The following ITGA10 variants were observed in gnomAD, a reference collection of about 807,000 sequenced individuals.
The protein encoded by ITGA10 is integrin subunit alpha 10, also known as integrin alpha-10.
ITGA10 carries 105 observed loss-of-function variants against 145.2 expected under a neutral mutation model. The ratio of observed to expected loss-of-function variants is 0.72; its 90% CI spans 0.62 to 0.85. The LOEUF (loss-of-function observed/expected upper bound fraction) is 0.85, where lower values mean the gene tolerates loss of function less well. Ranked by LOEUF, ITGA10 falls within the 40% of genes least tolerant of loss-of-function variation. ITGA10 has a pLI of 0.00. For missense variants in ITGA10, 1,317 were observed against 1,444.5 expected (o/e 0.91, Z 1.43); for synonymous variants, 506 against 557.8 (o/e 0.91, Z 1.31).
In ITGA10 at chr1:145,909,762, C is replaced by CAGGG. The variant is rs587620697; in HGVS notation, c.52+200_52+201insCCCT. Among the ~76,000 whole-genome samples, 10 of 149,160 alleles carry CAGGG rather than the reference C, an allele frequency of 6.7e-5. No homozygotes were observed. In the South Asian group the frequency reaches 2.1e-3, roughly 31 times the overall value. ...TACACAAGGTCCTAGGCAGCTTTAG[C>CAGGG]CCCTGCCAGTCTCAATATTCAAACA... On this transcript the variant is annotated intron_variant, in intron 1 of 29. Coordinates refer to ENST00000369304, the MANE Select transcript of ITGA10 (RefSeq NM_003637.5).
chr1:145,901,029 G>C lies in ITGA10; in HGVS notation c.1588-36C>G. On this transcript the variant is annotated intron_variant, in intron 13 of 29. Coordinates refer to ENST00000369304, the MANE Select transcript of ITGA10 (RefSeq NM_003637.5). The surrounding 1 kb of genome is among the most constrained non-coding windows in gnomAD (Gnocchi z 4.3). ...AGAGAAGATAGAAGATGCTAATCTG[G>C]CAGACCCAACCTCTCAGCAAACCCT... is the stretch of plus-strand genomic sequence containing the variant. 3 of 1,613,318 alleles carry C rather than the reference G, an allele frequency of 1.9e-6. No individual in the cohort carries two copies. Among genetic ancestry groups the C allele is most frequent in the Non-Finnish European group, 2.5e-6 (3 of 1,179,410 alleles).
chr1:145,897,460 C>T, intron 20 of ITGA10, 52 bp downstream of exon 20: 1 of 1,608,058 alleles, frequency 6.2e-7, no homozygotes, highest in South Asian at 1.1e-5. Context: ...ATACCCCAAT[C>T]TTCTTCCTCC....
Position 145,900,916 on chromosome 1 carries a change from A to C in ITGA10, c.1665T>G (p.Ala555=), listed in dbSNP as rs782700299. ...QDARFGFAMG[A]LPDLNQDGFA... ...AACCATCTTGGTTCAGATCAGGAAG[A>C]GCTCCCATGGCAAAGCCAAACCGAG... The change falls in exon 14 of 30, where the codon GCT becomes GCG. Residue 555 remains alanine, a synonymous_variant. Transcript: ENST00000369304. 1.9e-6 allele frequency: 3 copies of C among 1,614,008 alleles called. No individual in the cohort carries two copies. Among genetic ancestry groups the C allele is most frequent in the Non-Finnish European group, 2.5e-6 (3 of 1,179,996 alleles).
rs1263800329 is a variant in ITGA10 at position 145,908,389 on chromosome 1, C to T, written c.53-924G>A. ...CCCACACACATAGTTTGCCATCCAT[C>T]CTTTCCAAGGGTCCCATCATCCTGA... On this transcript the variant is annotated intron_variant, in intron 1 of 29. Coordinates refer to ENST00000369304, the MANE Select transcript of ITGA10 (RefSeq NM_003637.5). 9.9e-5 allele frequency among the ~76,000 whole-genome samples: 15 copies of T among 152,156 alleles called. 1 individual carries two copies. The highest frequency in any genetic ancestry group is 1.6e-4 in the Non-Finnish European group (11 of 68,032).
In ITGA10 at chr1:145,899,000, G is replaced by A. The variant is rs1553746586; in HGVS notation, c.2168C>T (p.Ser723Phe). ...AAFDGSGQRLSPRRLRLSVGN... is the reference protein window; with the variant it reads ...AAFDGSGQRLFPRRLRLSVGN... ...CACACTGAGCCGGAGCCTCCGAGGGGACAACCTCTGGCCAGAGCCATCAAA... is the reference window on the plus strand; with the variant it reads ...CACACTGAGCCGGAGCCTCCGAGGGAACAACCTCTGGCCAGAGCCATCAAA... Residue 723 changes from serine (S) to phenylalanine (F), a missense_variant, in exon 17 of 30, where the codon TCC becomes TTC. Coordinates refer to ENST00000369304, the MANE Select transcript of ITGA10 (RefSeq NM_003637.5). The A allele has an allele frequency of 1.2e-6, 2 of 1,614,098 alleles. No individual in the cohort carries two copies. The highest frequency in any genetic ancestry group is 1.7e-6 in the Non-Finnish European group (2 of 1,180,050).
intron 27 of ITGA10, among the ~76,000 whole-genome samples, chr1:145,894,849 T>C (rs1352243827): frequency 6.6e-6 from 1 of 152,200 alleles, no homozygotes; most frequent in African/African-American, 2.4e-5. Context: ...AGGCTAAATG[T>C]TGGAGATATT....
In ITGA10 at chr1:145,907,090, G is replaced by A. The variant is rs376269574; in HGVS notation, c.225C>T (p.Arg75=). The change falls in exon 3 of 30, where the codon CGC becomes CGT. Residue 75 remains arginine, a synonymous_variant. Transcript: ENST00000369304. ...PSGDRRGDVY[R]CPVGGAHNAP... is the part of the protein sequence containing the mutation. The stretch of plus-strand genomic sequence containing the variant: ...CATTGTGGGCCCCCCCTACAGGGCA[G>A]CGATAAACGTCCCCCCTCCGGTCGC... 6.4e-7 allele frequency: 1 copy of A among 1,564,546 alleles called. No individual in the cohort carries two copies. The highest frequency in any genetic ancestry group is 1.4e-5 in the African/African-American group (1 of 73,820).
chr1:145,902,764 C>T (rs1656532954), intron 8 of ITGA10, 47 bp downstream of exon 8: 3 of 1,574,390 alleles, frequency 1.9e-6, no homozygotes, highest in African/African-American at 1.4e-5. Flanking sequence ...CAAGACACTG[C>T]CCCCCTGCCA....
In ITGA10 at chr1:145,902,812, G is replaced by A; in HGVS notation, c.908C>T (p.Ala303Val). The A allele has an allele frequency of 6.2e-7, 1 of 1,606,322 alleles. No homozygotes were observed. Among genetic ancestry groups the A allele is most frequent in the Non-Finnish European group, 8.5e-7 (1 of 1,176,192 alleles). ...EAGRVTRYGI[A>V]VLGHYLRRQR... ...TCCAGATCCAGGGTGAATTCTCACT[G>A]CAATCCCATAGCGTGTCACTCTTCC... The change falls in exon 8 of 30, where the codon GCA (alanine) becomes GTA (valine). Residue 303 changes from alanine (A) to valine (V), a missense_variant and splice_region_variant. Transcript: ENST00000369304.
At chr1:145,896,949 C>T (rs1350323812) in intron 22 of ITGA10, 62 bp downstream of exon 22, 3 of 1,550,448 alleles carry the variant, frequency 1.9e-6, no homozygotes, top group Non-Finnish European at 1.8e-6. Context: ...TGTTCCTCCC[C>T]ACCCCTCCAG....
Position 145,906,207 on chromosome 1 carries a change from G to C in ITGA10, c.481+187C>G, listed in dbSNP as rs115041253. 3.6e-3 allele frequency: 1,925 copies of C among 538,482 alleles called. 30 individuals are homozygous for C. The highest frequency in any genetic ancestry group is 0.033 in the African/African-American group (1,730 of 52,272). The allele number at this position is 538,482 out of a possible 1,614,324, so 33.4% of individuals were successfully genotyped here. A position where few individuals can be genotyped will look rare whatever the true frequency, so the allele number is the denominator to read the frequency against. On this transcript the variant is annotated intron_variant, in intron 5 of 29. Coordinates refer to ENST00000369304, the MANE Select transcript of ITGA10 (RefSeq NM_003637.5). ...GCCTCCCAAAGTGCTAGAATTACAGGTGTGGGCCACCACACCTGGCCAGGA... is the reference window on the plus strand; with the variant it reads ...GCCTCCCAAAGTGCTAGAATTACAGCTGTGGGCCACCACACCTGGCCAGGA...
At chr1:145,893,496 T>G in intron 28 of ITGA10, 44 bp downstream of exon 28, 2 of 1,465,468 alleles carry the variant, frequency 1.4e-6, no homozygotes, top group Non-Finnish European at 1.9e-6. Context: ...CACATACCCA[T>G]CATCATTATT....
Position 145,896,291 on chromosome 1 carries a change from G to T in ITGA10, c.2896C>A (p.Pro966Thr). 6.2e-7 allele frequency: 1 copy of T among 1,613,884 alleles called. No homozygotes were observed. ...ACCCTGAGAGTGGTTTTGAATTCTG[G>T]GCCAGGACCCACTGGGAGGGTCCCA... is the stretch of plus-strand genomic sequence containing the variant. Reference protein sequence around the residue: ...PYGTLPVGPGPEFKTTLRVQN... With the variant: ...PYGTLPVGPGTEFKTTLRVQN... Residue 966 changes from proline (P) to threonine (T), a missense_variant, in exon 24 of 30, where the codon CCA (proline) becomes ACA (threonine). By Grantham distance (38) the Pro-to-Thr change is conservative. Coordinates refer to ENST00000369304, the MANE Select transcript of ITGA10 (RefSeq NM_003637.5).
chr1:145,909,936 A>G (rs782473535), intron 1 of ITGA10, 27 bp downstream of exon 1: 8 of 1,594,866 alleles, frequency 5.0e-6, no homozygotes, highest in African/African-American at 1.3e-5. Flanking sequence ...CATCCCCACC[A>G]GAAACCAAGA....
rs144842594 is a variant in ITGA10 at position 145,893,356 on chromosome 1, C to T, written c.3325-82G>A. 187 of 1,098,724 alleles carry T rather than the reference C, an allele frequency of 1.7e-4. No individual in the cohort carries two copies. In the African/African-American group the frequency reaches 2.5e-3, roughly 15 times the overall value. The allele number at this position is 1,098,724 out of a possible 1,614,324, so 68.1% of individuals were successfully genotyped here. A position where few individuals can be genotyped will look rare whatever the true frequency, so the allele number is the denominator to read the frequency against. On this transcript the variant is annotated intron_variant, in intron 28 of 29. Transcript: ENST00000369304. ...CCCACATTATATCAAAGCCAGCCCC[C>T]AAATAGAATAAATAACCTCCTGCTA...
rs1655853960 is a variant in ITGA10, at chr1:145,899,066, G to A, written c.2102C>T (p.Thr701Ile). ...AGCAGTCCATTCATCCAGTGATGCGGTGAACCTCATGTCTGAATGAAGGAG... is the reference window on the plus strand; with the variant it reads ...AGCAGTCCATTCATCCAGTGATGCGATGAACCTCATGTCTGAATGAAGGAG... ...RWDHQFYMRF[T>I]ASLDEWTAGA... Residue 701 changes from threonine to isoleucine, a missense_variant, in exon 17 of 30, where the codon ACC (threonine) becomes ATC (isoleucine). Thr to Ile is a moderately conservative substitution (Grantham distance 89). Transcript: ENST00000369304. The A allele has an allele frequency of 7.4e-6, 12 of 1,614,262 alleles. No homozygotes were observed. Among genetic ancestry groups the A allele is most frequent in the Non-Finnish European group, 1.0e-5 (12 of 1,180,052 alleles).
Position 145,901,535 on chromosome 1 carries a change from T to C in ITGA10, c.1424A>G (p.Gln475Arg). Residue 475 changes from glutamine (Q) to arginine (R), a missense_variant, in exon 12 of 30, where the codon CAG becomes CGG. Transcript: ENST00000369304. This position sits in a 1 kb window ranked among gnomAD's most constrained non-coding sequence, Gnocchi z 4.3. ...LKKDGAVRVAQSLQGEQIGSY... is the reference protein window; with the variant it reads ...LKKDGAVRVARSLQGEQIGSY... Reference sequence around the variant, plus strand: ...CCCTACCTGCTCCCCCTGGAGGCTCTGGGCAACCCTCACAGCCCCATCTTT... The same window carrying C: ...CCCTACCTGCTCCCCCTGGAGGCTCCGGGCAACCCTCACAGCCCCATCTTT... The C allele has an allele frequency of 6.3e-7, 1 of 1,583,782 alleles. No individual in the cohort carries two copies. The highest frequency in any genetic ancestry group is 8.6e-7 in the Non-Finnish European group (1 of 1,167,678).
At chr1:145,903,193 A>G (rs587775914) in intron 7 of ITGA10, among the ~76,000 whole-genome samples, 42 of 152,342 alleles carry the variant, frequency 2.8e-4, no homozygotes, top group African/African-American at 9.1e-4. Context: ...CATACAGAGT[A>G]GCTTATCAGT....
At chr1:145,893,796 T>C (rs1236592642) in intron 27 of ITGA10, among the ~76,000 whole-genome samples, 161 bp from the exon 28 acceptor site, 2 of 152,072 alleles carry the variant, frequency 1.3e-5, no homozygotes, top group East Asian at 3.9e-4. Flanking sequence ...AGAGGAAGGG[T>C]AATAGATGGA....
Sources: allele counts gnomAD v4.1 joint callset (sites outside exome capture counted in the v4.1 genomes callset), GRCh38; gene constraint gnomAD v4.1.1; non-coding constraint Gnocchi (gnomAD v3.1); transcripts MANE v1.5; gene names NCBI Gene and HGNC (gene_info 2026-07-23, HGNC 2026-07-21).